The following DPYD variants were observed in gnomAD, a reference collection of about 807,000 sequenced individuals.
DPYD encodes dihydropyrimidine dehydrogenase [NADP(+)].
DPYD carries 109 observed loss-of-function variants against 116.2 expected under a neutral mutation model. That is an observed-to-expected ratio of 0.94 (90% CI 0.80 to 1.10). The LOEUF (loss-of-function observed/expected upper bound fraction) is 1.10, where lower values mean the gene tolerates loss of function less well. DPYD is among the 50% of genes least tolerant of loss of function. The pLI is 0.00. For synonymous variants in DPYD, 440 were observed against 432.0 expected (o/e 1.02, Z -0.23); for missense variants, 1,302 against 1,254.5 (o/e 1.04, Z -0.57).
intron 15 of DPYD, 65 bp from the exon 16 acceptor site, chr1:97,373,709 C>T: frequency 7.3e-7 from 1 of 1,364,222 alleles, no homozygotes; most frequent in Middle Eastern, 2.2e-4. Flanking sequence ...TAGGCTTTCA[C>T]CGTTGATAAC....
chr1:97,114,696 T>G (rs1651841352), intron 20 of DPYD, among the ~76,000 whole-genome samples: 1 of 152,108 alleles, frequency 6.6e-6, no homozygotes, highest in South Asian at 2.1e-4. Flanking sequence ...ATTTAATGGC[T>G]GATGGTGGTT....
At chr1:97,546,634 T>C in intron 12 of DPYD, 1 of 1,612,690 alleles carries the variant, frequency 6.2e-7, no homozygotes, top group Non-Finnish European at 8.5e-7. Context: ...AGAATGGTGG[T>C]GGCTTTACAT....
chr1:97,217,321 A>G (rs1308011131), intron 19 of DPYD, among the ~76,000 whole-genome samples: 2 of 152,234 alleles, frequency 1.3e-5, no homozygotes, highest in Non-Finnish European at 2.9e-5. Context: ...CTCCCTGTTT[A>G]GACAGAGGTC....
At chr1:97,668,313 G>A (rs1436959339) in intron 8 of DPYD, among the ~76,000 whole-genome samples, 1 of 152,034 alleles carries the variant, frequency 6.6e-6, no homozygotes, top group African/African-American at 2.4e-5. Context: ...GTTAAATCCA[G>A]GTTCTAGTAC....
At chr1:97,267,826 C>T (rs150838307) in intron 18 of DPYD, among the ~76,000 whole-genome samples, 6 of 152,230 alleles carry the variant, frequency 3.9e-5, no homozygotes, top group African/African-American at 1.4e-4. Flanking sequence ...ATGTCCTTCT[C>T]ATATACAAAA....
chr1:97,662,961 TC>T (rs1225016286), intron 8 of DPYD, among the ~76,000 whole-genome samples: 3 of 152,188 alleles, frequency 2.0e-5, no homozygotes, highest in African/African-American at 7.2e-5. Flanking sequence ...AAATATGTAA[TC>T]TCGTCAATGC....
intron 16 of DPYD, 30 bp from the exon 17 acceptor site, chr1:97,306,327 C>T: frequency 6.2e-7 from 1 of 1,611,254 alleles, no homozygotes; most frequent in Non-Finnish European, 8.5e-7. Context: ...AAATATAGAA[C>T]AAAATTAAAG....
intron 11 of DPYD, among the ~76,000 whole-genome samples, chr1:97,556,862 T>G (rs1651762617): frequency 6.6e-6 from 1 of 150,668 alleles, no homozygotes; most frequent in African/African-American, 2.4e-5. Flanking sequence ...GTCCTTTGGG[T>G]ATATACCCAG....
rs1165667490 is a variant in DPYD, at chr1:97,573,826, G to A, written c.1273C>T (p.Gln425Ter). ...ETGKWNEDED[Q>*]MVHLKADVVI... The stretch of plus-strand genomic sequence containing the variant: ...ACATCGGCTTTCAGATGGACCATCT[G>A]ATCTTCATCTTCATTCCATTTTCCA... Residue 425 changes from glutamine (Q) to a stop codon, truncating the protein, a stop_gained, in exon 11 of 23, where the codon CAG becomes TAG. Transcript: ENST00000370192. LOFTEE classifies it high-confidence loss of function. 6.2e-7 allele frequency: 1 copy of A among 1,613,680 alleles called. No individual in the cohort carries two copies. The highest frequency in any genetic ancestry group is 8.5e-7 in the Non-Finnish European group (1 of 1,179,680).
chr1:97,546,444 G>A, intron 12 of DPYD: 1 of 1,600,226 alleles, frequency 6.2e-7, no homozygotes, highest in Non-Finnish European at 8.6e-7. Context: ...CCTGAAGTGA[G>A]AAAGATGATG....
At chr1:97,627,268 T>C (rs905066433) in intron 8 of DPYD, among the ~76,000 whole-genome samples, 2 of 152,136 alleles carry the variant, frequency 1.3e-5, no homozygotes, top group African/African-American at 4.8e-5. Flanking sequence ...ATTCAAATCC[T>C]ACATAATTTA....
At chr1:97,816,263 A>G (rs1557983593) in intron 3 of DPYD, among the ~76,000 whole-genome samples, 1 of 151,502 alleles carries the variant, frequency 6.6e-6, no homozygotes, top group African/African-American at 2.4e-5. Context: ...CCTATATACC[A>G]TCTCCTTTCA....
chr1:97,119,917 C>T (rs1168246541), intron 20 of DPYD, among the ~76,000 whole-genome samples: 2 of 152,306 alleles, frequency 1.3e-5, no homozygotes, highest in East Asian at 3.9e-4. Context: ...TCAAACATCT[C>T]TTCATGCAAA....
In DPYD at chr1:97,595,071, C is replaced by T. The variant is rs1447510756; in HGVS notation, c.946G>A (p.Gly316Ser). The T allele has an allele frequency of 2.5e-6, 4 of 1,613,002 alleles. No individual in the cohort carries two copies. The highest frequency in any genetic ancestry group is 1.1e-5 in the South Asian group (1 of 91,070). ...SKDFLPLVAKGSKAGMCACHS... is the reference protein window; with the variant it reads ...SKDFLPLVAKSSKAGMCACHS... ...CAATATGTTATACCTGCTTTACTGC[C>T]TTTGGCTACAAGTGGCAAAAAGTCT... Residue 316 changes from glycine (G) to serine (S), a missense_variant, in exon 9 of 23, where the codon GGC becomes AGC. By Grantham distance (56) the Gly-to-Ser change is moderately conservative. Coordinates refer to ENST00000370192, the MANE Select transcript of DPYD (RefSeq NM_000110.4).
At chr1:97,639,354 A>C (rs2100813393) in intron 8 of DPYD, among the ~76,000 whole-genome samples, 1 of 152,250 alleles carries the variant, frequency 6.6e-6, no homozygotes, top group South Asian at 2.1e-4. Context: ...ATTAAAAATA[A>C]TATTCTATTA....
At chr1:97,783,216 T>A (rs1666852159) in intron 3 of DPYD, among the ~76,000 whole-genome samples, 1 of 152,190 alleles carries the variant, frequency 6.6e-6, no homozygotes, top group African/African-American at 2.4e-5. Flanking sequence ...GCCCTAGTTG[T>A]ACAGGAATAG....
chr1:97,738,054 G>A (rs933198441), intron 4 of DPYD, among the ~76,000 whole-genome samples: 2 of 151,980 alleles, frequency 1.3e-5, no homozygotes, highest in Admixed American at 6.6e-5. Flanking sequence ...TGGAAAAATC[G>A]ATGGCTTACA....
chr1:97,171,960 G>T (rs775937724), intron 20 of DPYD, among the ~76,000 whole-genome samples: 1 of 152,158 alleles, frequency 6.6e-6, no homozygotes, highest in African/African-American at 2.4e-5. Context: ...AAAGATAAAG[G>T]TGTAAGATAA....
At chr1:97,159,006 T>C (rs1655692420) in intron 20 of DPYD, among the ~76,000 whole-genome samples, 1 of 152,090 alleles carries the variant, frequency 6.6e-6, no homozygotes, top group Non-Finnish European at 1.5e-5. Context: ...CTGTATAATG[T>C]ATCATTTACA....
Sources: allele counts gnomAD v4.1 joint callset (sites outside exome capture counted in the v4.1 genomes callset), GRCh38; gene constraint gnomAD v4.1.1; transcripts MANE v1.5; gene names NCBI Gene and HGNC (gene_info 2026-07-23, HGNC 2026-07-21).